Variants in C3orf70 observed in about 807,000 individuals in gnomAD.
C3orf70 encodes chromosome 3 open reading frame 70, also known as UPF0524 protein C3orf70.
C3orf70 carries 15 observed loss-of-function variants against 20.7 expected under a neutral mutation model. The observed-to-expected ratio is 0.72, with a 90% CI of 0.48 to 1.11. C3orf70 has a LOEUF of 1.11. C3orf70 is among the 50% of genes most tolerant of loss of function. The pLI, the probability that C3orf70 is intolerant of heterozygous loss-of-function variation, is 0.00. For synonymous variants in C3orf70, 161 were observed against 125.7 expected, an observed-to-expected ratio of 1.28 and a Z score of -1.88; for missense variants, 332 against 317.6, an observed-to-expected ratio of 1.05 and a Z score of -0.34.
rs769695651 is a variant in C3orf70 at position 185,152,644 on chromosome 3, G to A, written c.180C>T (p.His60=). 1.3e-6 allele frequency: 2 copies of A among 1,582,822 alleles called. No homozygotes were observed. Among genetic ancestry groups the A allele is most frequent in the African/African-American group, 2.8e-5 (2 of 72,206 alleles). Reference sequence around the variant, plus strand: ...TCGACTTACAGTGACACCATCCTAGGTGACAGCACCAGTGCAGCTTGAAGC... The same window carrying A: ...TCGACTTACAGTGACACCATCCTAGATGACAGCACCAGTGCAGCTTGAAGC... ...GKCFKLHWCC[H]LGWCHCKYMY... is the part of the protein sequence containing the mutation. Residue 60 remains histidine (H), a synonymous_variant, in exon 1 of 2, where the codon CAC becomes CAT. Coordinates refer to ENST00000335012, the MANE Select transcript of C3orf70 (RefSeq NM_001025266.3).
intron 1 of C3orf70, among the ~76,000 whole-genome samples, chr3:185,117,365 G>A (rs531870321): frequency 6.6e-6 from 1 of 151,054 alleles, no homozygotes; most frequent in East Asian, 2.0e-4. Flanking sequence ...TAGAAGCCAT[G>A]CCCATCACTT....
chr3:185,126,947 C>T (rs752901191), intron 1 of C3orf70, among the ~76,000 whole-genome samples: 1 of 152,200 alleles, frequency 6.6e-6, no homozygotes, highest in South Asian at 2.1e-4. Flanking sequence ...AAAATCTTCA[C>T]ATTAAAATCC....
intron 1 of C3orf70, among the ~76,000 whole-genome samples, chr3:185,135,799 AT>A (rs1716612137): frequency 6.6e-6 from 1 of 152,182 alleles, no homozygotes; most frequent in South Asian, 2.1e-4. Context: ...ATTAAATCGA[AT>A]TTTTAAAGAG....
chr3:185,083,652 A>T, intron 1 of C3orf70, 89 bp from the exon 2 acceptor site: 5 of 1,144,472 alleles, frequency 4.4e-6, no homozygotes, highest in Non-Finnish European at 6.0e-6. Context: ...CAATGTCTTT[A>T]AAAATATTTC....
At position 185,079,188 on chromosome 3, in the gene C3orf70, G is replaced by A. The variant is rs1416827594; in HGVS notation, c.*3819C>T. On this transcript the variant is annotated 3_prime_UTR_variant, in exon 2 of 2. Transcript: ENST00000335012. ...CCCAGCTACTCAGGAGGCTGAGGCAGGAGAATGGCATGAACCTGGGAGGCA... is the reference window on the plus strand; with the variant it reads ...CCCAGCTACTCAGGAGGCTGAGGCAAGAGAATGGCATGAACCTGGGAGGCA... The A allele has an allele frequency of 1.3e-5, 2 of 151,254 alleles. No individual in the cohort carries two copies. Among genetic ancestry groups the A allele is most frequent in the South Asian group, 4.2e-4 (2 of 4,776 alleles). 9.4% of individuals were successfully genotyped at this position (151,254 alleles called of 1,614,324 possible). A position where few individuals can be genotyped will look rare whatever the true frequency, so the allele number is the denominator to read the frequency against.
chr3:185,152,561 AC>A, intron 1 of C3orf70, 66 bp downstream of exon 1: 1 of 1,432,518 alleles, frequency 7.0e-7, no homozygotes, highest in South Asian at 1.3e-5. Context: ...TCCGGCAGCG[AC>A]CCCGGACGGC....
chr3:185,113,215 C>T (rs568085207), intron 1 of C3orf70, among the ~76,000 whole-genome samples: 2 of 147,686 alleles, frequency 1.4e-5, no homozygotes, highest in East Asian at 2.0e-4. Context: ...GAGGCTGAGG[C>T]GGGCAGATCA....
chr3:185,123,487 T>G (rs9863402), intron 1 of C3orf70, among the ~76,000 whole-genome samples: 7,786 of 151,376 alleles, frequency 0.051, 655 homozygotes, highest in African/African-American at 0.18. Context: ...ACATTTCACT[T>G]TTTGATATAT....
rs138188076 is a variant in C3orf70, at chr3:185,077,652, C to G, written c.*5355G>C. On this transcript the variant is annotated 3_prime_UTR_variant, in exon 2 of 2. Transcript: ENST00000335012. ...GAGTCTTGGTGACCAAGCGACCCCC[C>G]CAAGCTCTGCCGGGCAGCAGCCTCC... 0.011 allele frequency among the ~76,000 whole-genome samples: 1,676 copies of G among 152,248 alleles called. 27 individuals carry two copies. The highest frequency in any genetic ancestry group is 0.037 in the African/African-American group (1,550 of 41,534).
chr3:185,145,443 TATTTTA>T lies in C3orf70; in HGVS notation c.196+7179_196+7184del, dbSNP rs1381983418. Among the ~76,000 whole-genome samples, 4 of 144,274 alleles carry T rather than the reference TATTTTA, an allele frequency of 2.8e-5. No homozygotes were observed. In the South Asian group the frequency reaches 6.9e-4, roughly 25 times the overall value. The allele number at this position is 144,274 out of a possible 152,430, so 94.6% of individuals were successfully genotyped here. A position where few individuals can be genotyped will look rare whatever the true frequency, so the allele number is the denominator to read the frequency against. On this transcript the variant is annotated intron_variant, in intron 1 of 1. Transcript: ENST00000335012. Reference sequence around the variant, plus strand: ...AAACTGCCTAGTCTTTTTTGCCTCTTATTTTAATTTTATTTCATTCAAATACATTAT... The same window carrying T: ...AAACTGCCTAGTCTTTTTTGCCTCTTATTTTATTTCATTCAAATACATTAT...
At chr3:185,098,903 T>G (rs894068876) in intron 1 of C3orf70, among the ~76,000 whole-genome samples, 3 of 152,212 alleles carry the variant, frequency 2.0e-5, no homozygotes, top group African/African-American at 7.2e-5. Context: ...ATCCACACTG[T>G]CAGCTCTCCA....
rs57689418 is a variant in C3orf70, at chr3:185,127,596, C to T, written c.196+25032G>A. 6.8e-3 allele frequency among the ~76,000 whole-genome samples: 1,041 copies of T among 152,100 alleles called. 12 individuals carry two copies. Among genetic ancestry groups the T allele is most frequent in the African/African-American group, 0.024 (976 of 41,486 alleles). ...CTGGGATTACAGGCACATGCCACCACGCCCAGCTAATTTTTGCATTTTTAT... is the reference window on the plus strand; with the variant it reads ...CTGGGATTACAGGCACATGCCACCATGCCCAGCTAATTTTTGCATTTTTAT... On this transcript the variant is annotated intron_variant, in intron 1 of 1. Transcript: ENST00000335012.
chr3:185,120,027 A>ATAAAAG (rs1716261338), intron 1 of C3orf70, among the ~76,000 whole-genome samples: 1 of 148,782 alleles, frequency 6.7e-6, no homozygotes, highest in Admixed American at 6.8e-5. Context: ...GTCTCAAAAA[A>ATAAAAG]AAAAAAAAAA....
intron 1 of C3orf70, among the ~76,000 whole-genome samples, chr3:185,111,290 A>C (rs1486695387): frequency 6.6e-6 from 1 of 152,232 alleles, no homozygotes; most frequent in African/African-American, 2.4e-5. Flanking sequence ...ACCATCAAGA[A>C]AGTGAAAAAA....
chr3:185,103,781 C>A (rs1243903712), intron 1 of C3orf70, among the ~76,000 whole-genome samples: 1 of 152,126 alleles, frequency 6.6e-6, no homozygotes. Flanking sequence ...TCAGGCTGCA[C>A]CTGCAGAGAT....
chr3:185,152,702 A>G lies in C3orf70; in HGVS notation c.122T>C (p.Leu41Pro). ...RRPDFQPCDG[L>P]SICATHSHGK... is the part of the protein sequence containing the mutation. The stretch of plus-strand genomic sequence containing the variant: ...ATGGCTGTGCGTGGCACAGATAGAC[A>G]GCCCGTCGCACGGCTGGAAGTCGGG... Residue 41 changes from leucine to proline, a missense_variant, in exon 1 of 2, where the codon CTG (leucine) becomes CCG (proline). Transcript: ENST00000335012. The G allele has an allele frequency of 1.3e-6, 2 of 1,593,508 alleles. No homozygotes were observed. The highest frequency in any genetic ancestry group is 1.7e-6 in the Non-Finnish European group (2 of 1,170,436).
At chr3:185,090,315 G>A (rs904585831) in intron 1 of C3orf70, among the ~76,000 whole-genome samples, 2 of 152,132 alleles carry the variant, frequency 1.3e-5, no homozygotes, top group African/African-American at 4.8e-5. Context: ...TAAAATAAAT[G>A]TATAAGCCCT....
Position 185,153,022 on chromosome 3 carries a change from G to A in C3orf70, c.-199C>T, listed in dbSNP as rs914011833. The A allele has an allele frequency of 9.1e-6, 2 of 219,230 alleles. No individual in the cohort carries two copies. The highest frequency in any genetic ancestry group is 1.7e-5 in the Non-Finnish European group (2 of 117,094). The allele number at this position is 219,230 out of a possible 1,614,324, so 13.6% of individuals were successfully genotyped here. A position where few individuals can be genotyped will look rare whatever the true frequency, so the allele number is the denominator to read the frequency against. ...GGGCGCTGCGACCGGGTCCGGGCTG[G>A]CAGCCTCCCTCCCTCCGGCGCGGCG... On this transcript the variant is annotated 5_prime_UTR_variant, in exon 1 of 2. Transcript: ENST00000335012. This position sits in a 1 kb window ranked among gnomAD's most constrained non-coding sequence, Gnocchi z 6.8.
chr3:185,092,967 G>A (rs1715622678), intron 1 of C3orf70, among the ~76,000 whole-genome samples: 1 of 149,002 alleles, frequency 6.7e-6, no homozygotes, highest in Non-Finnish European at 1.5e-5. Context: ...CTCTAGCCTG[G>A]CGACAAAGCA....
Sources: gnomAD v4.1 joint callset for allele counts (sites outside exome capture counted in the v4.1 genomes callset) on GRCh38, gnomAD v4.1.1 for gene constraint, Gnocchi (gnomAD v3.1) non-coding constraint, MANE v1.5 for transcripts, NCBI Gene and HGNC (gene_info 2026-07-23, HGNC 2026-07-21) for gene names.